Variants in MGAT4D observed in about 807,000 individuals in gnomAD.
The protein encoded by MGAT4D is MGAT4 family member D.
In MGAT4D, 34 loss-of-function variants were observed where a neutral mutation model predicts 15.9. The ratio of observed to expected loss-of-function variants is 2.14; its 90% CI spans 1.62 to 2.84. The LOEUF (loss-of-function observed/expected upper bound fraction) is 2.84. MGAT4D is among the 30% of genes most tolerant of loss of function. The pLI, the probability that MGAT4D is intolerant of heterozygous loss-of-function variation, is 0.00. For missense variants in MGAT4D, 327 were observed against 140.2 expected (o/e 2.33, Z -6.73); for synonymous variants, 112 against 48.2 (o/e 2.33, Z -5.49).
chr4:140,471,643 A>G (rs1731965555), intron 5 of MGAT4D, 132 bp downstream of exon 5: 1 of 267,080 alleles, frequency 3.7e-6, no homozygotes, highest in African/African-American at 2.2e-5. Context: ...AAAGGACTAC[A>G]GGTTCTTTCT....
chr4:140,456,293 T>C (rs746735732), intron 9 of MGAT4D, among the ~76,000 whole-genome samples: 47 of 152,310 alleles, frequency 3.1e-4, no homozygotes, highest in East Asian at 5.8e-4. Flanking sequence ...GAACTCTTAA[T>C]AGTGTATTTT....
At chr4:140,468,910 A>AT (rs747422243) in intron 5 of MGAT4D, among the ~76,000 whole-genome samples, 6 of 151,784 alleles carry the variant, frequency 4.0e-5, no homozygotes, top group African/African-American at 7.3e-5. Flanking sequence ...CAACAAATTA[A>AT]TTTTTCTACT....
chr4:140,455,833 T>C (rs372626749), intron 9 of MGAT4D, among the ~76,000 whole-genome samples: 54 of 152,326 alleles, frequency 3.5e-4, no homozygotes, highest in African/African-American at 1.2e-3. Flanking sequence ...AAGTGTATTC[T>C]GATATTAATA....
chr4:140,446,370 T>C (rs1158115345), intron 10 of MGAT4D, among the ~76,000 whole-genome samples: 1 of 152,168 alleles, frequency 6.6e-6, no homozygotes, highest in Non-Finnish European at 1.5e-5. Flanking sequence ...TATTCAGGGA[T>C]TCACTTTCTT....
chr4:140,482,718 G>C (rs142528645), intron 1 of MGAT4D, among the ~76,000 whole-genome samples: 236 of 152,076 alleles, frequency 1.6e-3, no homozygotes, highest in Non-Finnish European at 2.6e-3. Flanking sequence ...GTTAAATATA[G>C]TGATATGAGG....
At chr4:140,446,501 A>T (rs555515377) in intron 10 of MGAT4D, among the ~76,000 whole-genome samples, 294 of 152,120 alleles carry the variant, frequency 1.9e-3, no homozygotes, top group Non-Finnish European at 3.5e-3. Flanking sequence ...ATTTCTGTAG[A>T]GTCAGTGGCA....
At chr4:140,448,310 C>T (rs1029770915) in intron 10 of MGAT4D, among the ~76,000 whole-genome samples, 1 of 152,140 alleles carries the variant, frequency 6.6e-6, no homozygotes, top group Admixed American at 6.5e-5. Flanking sequence ...AAGTTGTTGG[C>T]TTTCTCCCTG....
At position 140,464,950 on chromosome 4, in the gene MGAT4D, T is replaced by A; in HGVS notation, c.632A>T (p.Tyr211Phe). 1.4e-6 allele frequency: 1 copy of A among 702,898 alleles called. No individual in the cohort carries two copies. Among genetic ancestry groups the A allele is most frequent in the Non-Finnish European group, 2.6e-6 (1 of 384,916 alleles). 43.5% of individuals were successfully genotyped at this position (702,898 alleles called of 1,614,324 possible). ...LEVISIPAFL[Y>F]SSMLNAKHLA... Reference sequence around the variant, plus strand: ...GTGCTTGGCATTTAACATGCTTGAGTATAAAAAGGCAGGTATTGAAATGAC... The same window carrying A: ...GTGCTTGGCATTTAACATGCTTGAGAATAAAAAGGCAGGTATTGAAATGAC... Residue 211 changes from tyrosine (Y) to phenylalanine (F), a missense_variant, in exon 6 of 11, where the codon TAC becomes TTC. By Grantham distance (22) the Tyr-to-Phe change is conservative. Coordinates refer to ENST00000511113, the MANE Select transcript of MGAT4D (RefSeq NM_001277353.2).
intron 3 of MGAT4D, among the ~76,000 whole-genome samples, chr4:140,479,180 T>C (rs989391290): frequency 1.3e-5 from 2 of 152,220 alleles, no homozygotes; most frequent in Non-Finnish European, 2.9e-5. Context: ...CAGGTAAGAA[T>C]AGATTTACCA....
At chr4:140,489,526 T>A (rs564392232) in intron 1 of MGAT4D, among the ~76,000 whole-genome samples, 1 of 152,304 alleles carries the variant, frequency 6.6e-6, no homozygotes, top group East Asian at 1.9e-4. Flanking sequence ...ATAAGCAGAA[T>A]CCTGAATTTT....
chr4:140,459,403 C>A (rs1211494814), intron 8 of MGAT4D, 109 bp downstream of exon 8: 2 of 355,056 alleles, frequency 5.6e-6, no homozygotes, highest in Non-Finnish European at 1.0e-5. Flanking sequence ...TTATAAAAAT[C>A]ATGCCATTCT....
chr4:140,471,237 T>C (rs1193737925), intron 5 of MGAT4D, among the ~76,000 whole-genome samples: 1 of 100,910 alleles, frequency 9.9e-6, no homozygotes, highest in Non-Finnish European at 1.9e-5. Context: ...TTTCCTTCCT[T>C]CCTTCCTTCC....
At chr4:140,453,092 C>T (rs990293388) in intron 9 of MGAT4D, among the ~76,000 whole-genome samples, 2 of 152,122 alleles carry the variant, frequency 1.3e-5, no homozygotes, top group Non-Finnish European at 1.5e-5. Context: ...GCCTATTCTG[C>T]TCCATGGAAC....
At position 140,480,710 on chromosome 4, in the gene MGAT4D, G is replaced by A. The variant is rs1012888618; in HGVS notation, c.254-1083C>T. Among the ~76,000 whole-genome samples, 7 of 149,884 alleles carry A rather than the reference G, an allele frequency of 4.7e-5. 1 individual carries two copies. Among genetic ancestry groups the A allele is most frequent in the Admixed American group, 1.3e-4 (2 of 14,970 alleles). On this transcript the variant is annotated intron_variant, in intron 2 of 10. Transcript: ENST00000511113. ...GTTTGAGAACAGCATGAGCAATATAGCAAGACCCTCATCTCTAAACACACA... is the reference window on the plus strand; with the variant it reads ...GTTTGAGAACAGCATGAGCAATATAACAAGACCCTCATCTCTAAACACACA...
chr4:140,493,440 C>T (rs947460124), intron 1 of MGAT4D, among the ~76,000 whole-genome samples: 4 of 151,750 alleles, frequency 2.6e-5, no homozygotes, highest in East Asian at 1.9e-4. Flanking sequence ...GGACTACAGT[C>T]GCCCACGACC....
intron 5 of MGAT4D, among the ~76,000 whole-genome samples, chr4:140,467,451 C>G (rs2126759298): frequency 6.6e-6 from 1 of 152,166 alleles, no homozygotes; most frequent in East Asian, 1.9e-4. Context: ...CAAATTTTGT[C>G]CTCTAGAAAA....
intron 5 of MGAT4D, among the ~76,000 whole-genome samples, chr4:140,465,645 G>GA (rs1731484871): frequency 6.6e-6 from 1 of 152,162 alleles, no homozygotes; most frequent in Non-Finnish European, 1.5e-5. Context: ...TCTTCCTTTA[G>GA]AGATAATGTG....
intron 3 of MGAT4D, among the ~76,000 whole-genome samples, chr4:140,478,632 A>T (rs1026757877): frequency 6.6e-6 from 1 of 152,224 alleles, no homozygotes; most frequent in Admixed American, 6.5e-5. Flanking sequence ...ATTAAATGAG[A>T]TAATGTAAGA....
At chr4:140,475,807 C>CTTT (rs10711919) in intron 3 of MGAT4D, among the ~76,000 whole-genome samples, 156 of 105,388 alleles carry the variant, frequency 1.5e-3, no homozygotes, top group Non-Finnish European at 1.9e-3. Context: ...TATTGGCTTT[C>CTTT]TTTTTTTTTT....
Sources: allele counts gnomAD v4.1 joint callset (sites outside exome capture counted in the v4.1 genomes callset), GRCh38; gene constraint gnomAD v4.1.1; transcripts MANE v1.5; gene names NCBI Gene and HGNC (gene_info 2026-07-23, HGNC 2026-07-21).